Variants in CXADR observed in about 807,000 individuals in gnomAD.
CXADR encodes the protein coxsackievirus and adenovirus receptor.
In CXADR, 20 loss-of-function variants were observed where a neutral mutation model predicts 40.3. That is an observed-to-expected ratio of 0.50 (90% CI 0.35 to 0.72). The LOEUF is 0.72. Among genes scored for constraint, CXADR ranks in the 30% least tolerant of loss-of-function variants. The pLI is 0.01. For missense variants in CXADR, 332 were observed against 449.1 expected, an observed-to-expected ratio of 0.74 and a Z score of 2.36; for synonymous variants, 150 against 161.3, an observed-to-expected ratio of 0.93 and a Z score of 0.53.
chr21:17,518,633 G>T, intron 1 of CXADR: 2 of 1,591,142 alleles, frequency 1.3e-6, no homozygotes, highest in Non-Finnish European at 1.7e-6. Context: ...AAGACTTGCC[G>T]TGGGAACTGT....
intron 4 of CXADR, among the ~76,000 whole-genome samples, chr21:17,559,668 G>GTTTT (rs1491548660): frequency 1.9e-5 from 2 of 106,218 alleles, no homozygotes; most frequent in African/African-American, 3.8e-5. Context: ...CTTTTTTTTG[G>GTTTT]GTTTTTTTTT....
At chr21:17,616,759 A>G in the CXADR span, among the ~76,000 whole-genome samples, 1 of 152,192 alleles carries the variant, frequency 6.6e-6, no homozygotes, top group Non-Finnish European at 1.5e-5. Context: ...AGGTCCAGCA[A>G]GTAAGATCTG....
Position 17,593,187 on chromosome 21 carries a change from TG to T in CXADR, c.1054del (p.Val352TyrfsTer15). ...CTTACAAGACTGATGGAATTACAGTTGTATAAATATGGACTACTGAAGAATC... is the reference window on the plus strand; with the variant it reads ...CTTACAAGACTGATGGAATTACAGTTTATAAATATGGACTACTGAAGAATC... On this transcript the variant is annotated frameshift_variant, in exon 8 of 8. Coordinates refer to the CXADR transcript ENST00000400169. LOFTEE classifies it high-confidence loss of function. 6.8e-7 allele frequency: 1 copy of T among 1,460,178 alleles called. No individual in the cohort carries two copies. Among genetic ancestry groups the T allele is most frequent in the Non-Finnish European group, 9.1e-7 (1 of 1,097,256 alleles). 90.5% of individuals were successfully genotyped at this position (1,460,178 alleles called of 1,614,324 possible).
At chr21:17,578,686 G>A (rs1051178356) in intron 7 of CXADR, among the ~76,000 whole-genome samples, 4 of 152,154 alleles carry the variant, frequency 2.6e-5, no homozygotes, top group Admixed American at 6.5e-5. Context: ...AAAATTAGCC[G>A]GGCATGGTGG....
At chr21:17,563,940 CAA>C (rs35020228) in intron 6 of CXADR, among the ~76,000 whole-genome samples, 106 of 37,196 alleles carry the variant, frequency 2.8e-3, no homozygotes, top group East Asian at 0.023. Flanking sequence ...GACTCTGTCT[CAA>C]AAAAAAAAAA....
downstream of CXADR, among the ~76,000 whole-genome samples, chr21:17,572,988 C>T (rs1006027608): frequency 2.6e-5 from 4 of 152,124 alleles, no homozygotes; most frequent in Non-Finnish European, 5.9e-5. Context: ...TTAGCTGTAA[C>T]AAATGGCTAC....
At chr21:17,622,448 CTT>C in the CXADR span, among the ~76,000 whole-genome samples, 1 of 152,154 alleles carries the variant, frequency 6.6e-6, no homozygotes, top group Non-Finnish European at 1.5e-5. Flanking sequence ...ACAGCTAACT[CTT>C]TTTGTGATAC....
At chr21:17,583,342 A>G (rs1229007030) in intron 7 of CXADR, among the ~76,000 whole-genome samples, 1 of 152,220 alleles carries the variant, frequency 6.6e-6, no homozygotes, top group East Asian at 1.9e-4. Flanking sequence ...GAAGAAATTT[A>G]CATAGCAGTT....
the CXADR span, chr21:17,604,278 T>C: frequency 1.1e-5 from 3 of 276,750 alleles, no homozygotes; most frequent in Non-Finnish European, 1.4e-5. Flanking sequence ...CCATCTCTAC[T>C]ACAAATATAA....
intron 2 of CXADR, among the ~76,000 whole-genome samples, chr21:17,549,355 G>A (rs962672042): frequency 2.6e-5 from 4 of 152,180 alleles, no homozygotes; most frequent in African/African-American, 9.7e-5. Context: ...CATGTGTAAA[G>A]TAGGAACAGC....
At chr21:17,593,148 G>A (rs766063610) in intron 7 of CXADR, 56 of 1,412,006 alleles carry the variant, frequency 4.0e-5, no homozygotes, top group East Asian at 5.4e-5. Context: ...TTTTCTTTTT[G>A]TAGTTCAAGT....
At chr21:17,581,584 C>T (rs147769982) in intron 7 of CXADR, among the ~76,000 whole-genome samples, 4,018 of 152,182 alleles carry the variant, frequency 0.026, 97 homozygotes, top group South Asian at 0.042. Flanking sequence ...TGGCTCACAC[C>T]GGTAATCTCA....
chr21:17,570,134 T>G, downstream of CXADR: 1 of 985,406 alleles, frequency 1.0e-6, no homozygotes, highest in Non-Finnish European at 1.2e-6. Flanking sequence ...ATTGTGCCTT[T>G]TATACAGTGT....
At chr21:17,633,860 A>C in the CXADR span, among the ~76,000 whole-genome samples, 1 of 152,188 alleles carries the variant, frequency 6.6e-6, no homozygotes, top group Non-Finnish European at 1.5e-5. Flanking sequence ...ACCTTCAATA[A>C]TCTGGCCCTT....
At chr21:17,520,001 A>G (rs1176072250) in intron 1 of CXADR, among the ~76,000 whole-genome samples, 6 of 151,920 alleles carry the variant, frequency 3.9e-5, no homozygotes, top group Admixed American at 3.9e-4. Flanking sequence ...ACGCACGCAC[A>G]TGCACACACA....
intron 1 of CXADR, chr21:17,542,138 A>G (rs573741213): frequency 2.8e-5 from 6 of 213,456 alleles, no homozygotes; most frequent in African/African-American, 1.4e-4. Flanking sequence ...GGCTTTCCTC[A>G]CTCAAAACAT....
exon 8 of CXADR, chr21:17,593,374 C>T (rs1225331466): frequency 1.1e-5 from 5 of 470,740 alleles, no homozygotes; most frequent in South Asian, 2.3e-4. Context: ...AAAATTAGTA[C>T]GAGCCAAATT....
chr21:17,626,676 A>C, the CXADR span, among the ~76,000 whole-genome samples: 10 of 152,348 alleles, frequency 6.6e-5, no homozygotes, highest in East Asian at 1.7e-3. Flanking sequence ...TGGCACAGAC[A>C]ATCAGCGCAC....
At chr21:17,596,165 T>A (rs532141844), downstream of CXADR, among the ~76,000 whole-genome samples, 2 of 152,072 alleles carry the variant, frequency 1.3e-5, no homozygotes, top group East Asian at 1.9e-4. Flanking sequence ...TGAGCGATTT[T>A]AAAAAAAGTA....
Sources: gnomAD v4.1 joint callset for allele counts (sites outside exome capture counted in the v4.1 genomes callset) on GRCh38, gnomAD v4.1.1 for gene constraint, MANE v1.5 for transcripts, NCBI Gene and HGNC (gene_info 2026-07-23, HGNC 2026-07-21) for gene names.